The following CHD5 variants were observed in gnomAD, a reference collection of about 807,000 sequenced individuals.
CHD5 encodes ATP-dependent chromatin remodeler CHD5.
A neutral mutation model predicts 230.3 loss-of-function variants in CHD5; 69 were observed. That is an observed-to-expected ratio of 0.30 (90% CI 0.25 to 0.37). The LOEUF (loss-of-function observed/expected upper bound fraction) is 0.37. CHD5 is among the 10% of genes least tolerant of loss of function. The pLI is 1.00. For synonymous variants in CHD5, 1,064 were observed against 1,065.9 expected, an observed-to-expected ratio of 1.00 and a Z score of 0.03; for missense variants, 1,827 against 2,622.8, an observed-to-expected ratio of 0.70 and a Z score of 6.63.
chr1:6,165,214 C>G (rs1354796919), intron 2 of CHD5, among the ~76,000 whole-genome samples: 1 of 152,138 alleles, frequency 6.6e-6, no homozygotes, highest in African/African-American at 2.4e-5. Context: ...AGGCCTCGCC[C>G]CTGTCCAGGC....
intron 15 of CHD5, among the ~76,000 whole-genome samples, chr1:6,140,335 G>C (rs1225575840): frequency 6.6e-6 from 1 of 151,906 alleles, no homozygotes; most frequent in Non-Finnish European, 1.5e-5. Context: ...GGGAGGCAGA[G>C]GTTGCAGTGA....
At chr1:6,160,644 T>C (rs902617635) in intron 2 of CHD5, among the ~76,000 whole-genome samples, 7 of 152,286 alleles carry the variant, frequency 4.6e-5, no homozygotes, top group Non-Finnish European at 5.9e-5. Flanking sequence ...GTTTTCTCCA[T>C]GTGCGGACTC....
intron 7 of CHD5, among the ~76,000 whole-genome samples, chr1:6,150,541 C>T (rs11804748): frequency 0.41 from 61,487 of 148,212 alleles, 14,646 homozygotes; most frequent in East Asian, 0.68. Flanking sequence ...GGATAGCTGA[C>T]GGATGGATGG....
chr1:6,155,519 T>C lies in CHD5; in HGVS notation c.506+80A>G, dbSNP rs1272331127. 7.8e-7 allele frequency: 1 copy of C among 1,276,144 alleles called. No individual in the cohort carries two copies. The highest frequency in any genetic ancestry group is 1.5e-5 in the African/African-American group (1 of 67,836). 79.1% of individuals were successfully genotyped at this position (1,276,144 alleles called of 1,614,324 possible). On this transcript the variant is annotated intron_variant, in intron 4 of 41. Coordinates refer to ENST00000262450, the MANE Select transcript of CHD5 (RefSeq NM_015557.3). The surrounding 1 kb of genome is among the most constrained non-coding windows in gnomAD (Gnocchi z 4.0). ...CCACCCCTACCCCAGGTGCCGGGGCTTCACTCCTCTGCCTCCCTCCCGACT... is the reference window on the plus strand; with the variant it reads ...CCACCCCTACCCCAGGTGCCGGGGCCTCACTCCTCTGCCTCCCTCCCGACT...
intron 2 of CHD5, among the ~76,000 whole-genome samples, chr1:6,161,809 T>C (rs1275623848): frequency 6.6e-6 from 1 of 152,150 alleles, no homozygotes; most frequent in Admixed American, 6.5e-5. Context: ...GAGGCCGCCA[T>C]GAACTTCAGC....
At chr1:6,174,507 TGGTGGGTG>T (rs572030129) in intron 1 of CHD5, among the ~76,000 whole-genome samples, 1 of 134,374 alleles carries the variant, frequency 7.4e-6, no homozygotes, top group Non-Finnish European at 1.5e-5. Flanking sequence ...GATGGATGGA[TGGTGGGTG>T]GATGGATGGA....
chr1:6,120,833 G>A (rs1455755927), intron 33 of CHD5, among the ~76,000 whole-genome samples: 1 of 152,110 alleles, frequency 6.6e-6, no homozygotes, highest in African/African-American at 2.4e-5. Context: ...AACCCGGGAG[G>A]CGGATGTTGC....
intron 15 of CHD5, among the ~76,000 whole-genome samples, chr1:6,141,064 G>A (rs762028907): frequency 2.0e-5 from 3 of 150,668 alleles, no homozygotes; most frequent in Non-Finnish European, 2.9e-5. Context: ...CAGGCAGATC[G>A]CCTGAACTTA....
intron 38 of CHD5, among the ~76,000 whole-genome samples, chr1:6,107,476 G>GATGGAGGGATGGAGGGATA (rs1666202857): frequency 7.1e-6 from 1 of 141,824 alleles, no homozygotes; most frequent in Admixed American, 7.0e-5. Context: ...ATGGAGGGAT[G>GATGGAGGGATGGAGGGATA]ATGAAGGGAT....
chr1:6,160,974 G>C lies in CHD5; in HGVS notation c.208-1459C>G, dbSNP rs35020689. On this transcript the variant is annotated intron_variant, in intron 2 of 41. Coordinates refer to ENST00000262450, the MANE Select transcript of CHD5 (RefSeq NM_015557.3). ...CGGGCAGCACTGCCATGATCCCCGG[G>C]GCATGCGGGGCTTGCCATGCGCAGG... is the stretch of plus-strand genomic sequence containing the variant. 2.8e-3 allele frequency among the ~76,000 whole-genome samples: 421 copies of C among 152,166 alleles called. 7 individuals carry two copies. The highest frequency in any genetic ancestry group is 0.027 in the South Asian group (132 of 4,820).
At position 6,128,447 on chromosome 1, in the gene CHD5, A is replaced by G. The variant is rs1480412494; in HGVS notation, c.3730+52T>C. ...GGTCAGGGAACCCCTCCTCTGCAGG[A>G]GCAGCCACCTGGTCGGAGGAGGAGC... On this transcript the variant is annotated intron_variant, in intron 24 of 41. Transcript: ENST00000262450. The surrounding 1 kb of genome is among the most constrained non-coding windows in gnomAD (Gnocchi z 7.8). 5 of 1,453,740 alleles carry G rather than the reference A, an allele frequency of 3.4e-6. No homozygotes were observed. The South Asian group carries it at 5.8e-5, about 17-fold the overall frequency. The allele number at this position is 1,453,740 out of a possible 1,614,324, so 90.1% of individuals were successfully genotyped here.
rs1666642783 is a variant in CHD5 at position 6,130,818 on chromosome 1, G to A, written c.3263-490C>T. On this transcript the variant is annotated intron_variant, in intron 21 of 41. Coordinates refer to ENST00000262450, the MANE Select transcript of CHD5 (RefSeq NM_015557.3). The surrounding 1 kb of genome is among the most constrained non-coding windows in gnomAD (Gnocchi z 4.9). The stretch of plus-strand genomic sequence containing the variant: ...GATGGCTGGTTCTCAGCCTCTCAGG[G>A]CCCTTCAGTGACCTGGGACTGACCA... Among the ~76,000 whole-genome samples the A allele has an allele frequency of 6.6e-6, 1 of 152,162 alleles. No individual in the cohort carries two copies. The highest frequency in any genetic ancestry group is 1.5e-5 in the Non-Finnish European group (1 of 68,020).
intron 33 of CHD5, among the ~76,000 whole-genome samples, chr1:6,117,231 A>G (rs1269417436): frequency 6.6e-6 from 1 of 152,256 alleles, no homozygotes; most frequent in Non-Finnish European, 1.5e-5. Flanking sequence ...AGTTATTACA[A>G]CAAATGTAAA....
chr1:6,106,195 G>A (rs766409893), intron 41 of CHD5, 39 bp downstream of exon 41: 2 of 1,571,876 alleles, frequency 1.3e-6, no homozygotes, highest in Non-Finnish European at 1.7e-6. Flanking sequence ...TGCCAGCAAT[G>A]GGGTGGCGGG....
intron 17 of CHD5, among the ~76,000 whole-genome samples, chr1:6,135,854 A>G (rs1666737849): frequency 6.6e-6 from 1 of 152,102 alleles, no homozygotes. Flanking sequence ...CTAAAGATAT[A>G]CAAAAATTAG....
At position 6,110,539 on chromosome 1, in the gene CHD5, C is replaced by T. The variant is rs1304136719; in HGVS notation, c.5250-13G>A. Reference sequence around the variant, plus strand: ...GGCGTAGCCGTGCCTGGGTGGGGCACCATTAAGGGCAAACCTGGCCGTTAG... The same window carrying T: ...GGCGTAGCCGTGCCTGGGTGGGGCATCATTAAGGGCAAACCTGGCCGTTAG... On this transcript the variant is annotated splice_polypyrimidine_tract_variant and intron_variant, in intron 36 of 41. Coordinates refer to ENST00000262450, the MANE Select transcript of CHD5 (RefSeq NM_015557.3). The T allele has an allele frequency of 2.5e-6, 4 of 1,613,084 alleles. No homozygotes were observed. Among genetic ancestry groups the T allele is most frequent in the Admixed American group, 1.7e-5 (1 of 60,002 alleles).
intron 7 of CHD5, among the ~76,000 whole-genome samples, chr1:6,149,652 T>C (rs1269456611): frequency 4.6e-5 from 7 of 152,054 alleles, no homozygotes; most frequent in Non-Finnish European, 8.8e-5. Flanking sequence ...GAAAGATGAA[T>C]GGATAAATGG....
At chr1:6,110,722 G>A (rs1400802452) in intron 36 of CHD5, among the ~76,000 whole-genome samples, 196 bp from the exon 37 acceptor site, 8 of 152,206 alleles carry the variant, frequency 5.3e-5, no homozygotes, top group African/African-American at 1.7e-4. Flanking sequence ...ACACTGACAG[G>A]TGCCCTGGGT....
intron 38 of CHD5, among the ~76,000 whole-genome samples, chr1:6,107,478 T>C (rs569951137): frequency 1.2e-4 from 14 of 114,906 alleles, no homozygotes; most frequent in African/African-American, 4.9e-4. Context: ...GGAGGGATGA[T>C]GAAGGGATGA....
Sources: allele counts gnomAD v4.1 joint callset (sites outside exome capture counted in the v4.1 genomes callset), GRCh38; gene constraint gnomAD v4.1.1; non-coding constraint Gnocchi (gnomAD v3.1); transcripts MANE v1.5; gene names NCBI Gene and HGNC (gene_info 2026-07-23, HGNC 2026-07-21).